Variants in MAGI2 observed in about 807,000 individuals in gnomAD.
MAGI2 encodes the protein membrane-associated guanylate kinase, WW and PDZ domain-containing protein 2.
Under a neutral mutation model 133.3 loss-of-function variants are expected in MAGI2, and 35 were observed. The ratio of observed to expected loss-of-function variants is 0.26; its 90% CI spans 0.20 to 0.35. MAGI2 has a LOEUF of 0.35. Ranked by LOEUF, MAGI2 falls within the 10% of genes least tolerant of loss-of-function variation. The probability of loss-of-function intolerance (pLI) is 1.00; values close to 1 mark genes in which losing one functional copy is unlikely to be tolerated. For missense variants in MAGI2, 1,636 were observed against 1,863.4 expected, an observed-to-expected ratio of 0.88 and a Z score of 2.25; for synonymous variants, 729 against 710.6, an observed-to-expected ratio of 1.03 and a Z score of -0.41.
chr7:78,855,870 A>G lies in MAGI2; in HGVS notation c.418+151220T>C, dbSNP rs537803846. On this transcript the variant is annotated intron_variant, in intron 2 of 21. Coordinates refer to ENST00000354212, the MANE Select transcript of MAGI2 (RefSeq NM_012301.4). ...GGTTGAACTAGTTTACAGTCCCACC[A>G]ACAGTGTAAAAGTGTTCCTGTTTCT... is the stretch of plus-strand genomic sequence containing the variant. 2.1e-3 allele frequency among the ~76,000 whole-genome samples: 323 copies of G among 152,306 alleles called. 3 individuals are homozygous for G. The highest frequency in any genetic ancestry group is 7.4e-3 in the African/African-American group (309 of 41,572).
chr7:78,305,709 T>G (rs979188040), intron 9 of MAGI2, among the ~76,000 whole-genome samples: 2 of 152,198 alleles, frequency 1.3e-5, no homozygotes, highest in Non-Finnish European at 2.9e-5. Context: ...TCCAAGGAAC[T>G]GTATACATGA....
chr7:78,063,023 C>T (rs1813439395), intron 21 of MAGI2, among the ~76,000 whole-genome samples: 4 of 152,166 alleles, frequency 2.6e-5, no homozygotes, highest in Admixed American at 2.6e-4. Context: ...GTGCTATTTC[C>T]ACCACCACTT....
chr7:78,455,677 T>C (rs527941542), intron 6 of MAGI2, among the ~76,000 whole-genome samples: 1 of 152,198 alleles, frequency 6.6e-6, no homozygotes, highest in Admixed American at 6.5e-5. Flanking sequence ...AGTATTTTCC[T>C]GCCATAATAT....
intron 2 of MAGI2, among the ~76,000 whole-genome samples, chr7:78,800,063 T>C (rs1193972944): frequency 6.6e-6 from 1 of 152,164 alleles, no homozygotes; most frequent in African/African-American, 2.4e-5. Flanking sequence ...TGTGGTATGA[T>C]TCATCTTTCT....
intron 10 of MAGI2, among the ~76,000 whole-genome samples, chr7:78,222,811 C>T (rs1788965544): frequency 6.6e-6 from 1 of 152,104 alleles, no homozygotes; most frequent in Admixed American, 6.5e-5. Context: ...AGAGAATTTC[C>T]TTAGATTAAG....
At chr7:78,774,684 T>C (rs768772453) in intron 2 of MAGI2, among the ~76,000 whole-genome samples, 1 of 152,050 alleles carries the variant, frequency 6.6e-6, no homozygotes, top group Non-Finnish European at 1.5e-5. Flanking sequence ...TGGGCAAAGA[T>C]TTTCTGAGAA....
intron 6 of MAGI2, among the ~76,000 whole-genome samples, chr7:78,373,388 C>T (rs916615891): frequency 8.5e-5 from 13 of 152,184 alleles, no homozygotes; most frequent in Middle Eastern, 3.4e-3. Context: ...ATCGTTTATA[C>T]GGATGTTAAT....
At chr7:79,122,814 C>T (rs532455776) in intron 1 of MAGI2, among the ~76,000 whole-genome samples, 1 of 152,162 alleles carries the variant, frequency 6.6e-6, no homozygotes, top group Non-Finnish European at 1.5e-5. Context: ...GCCTCACCCT[C>T]TCAAGTAGCT....
chr7:78,369,521 G>A lies in MAGI2; in HGVS notation c.1046-308C>T, dbSNP rs7783086. ...TTTAGTGCAATATAGAAGGCAAATC[G>A]CTTTCCTGAAAGTGTATATGTTTCT... On this transcript the variant is annotated intron_variant, in intron 6 of 21. Coordinates refer to ENST00000354212, the MANE Select transcript of MAGI2 (RefSeq NM_012301.4). 0.49 allele frequency among the ~76,000 whole-genome samples: 73,827 copies of A among 151,802 alleles called. 18,584 individuals carry two copies. The highest frequency in any genetic ancestry group is 0.59 in the Middle Eastern group (172 of 294).
chr7:79,042,954 A>G (rs1285752833), intron 1 of MAGI2, among the ~76,000 whole-genome samples: 1 of 152,166 alleles, frequency 6.6e-6, no homozygotes, highest in East Asian at 1.9e-4. Flanking sequence ...ACAATCATGG[A>G]AATTAAACAA....
intron 1 of MAGI2, among the ~76,000 whole-genome samples, chr7:79,212,859 A>C (rs539756167): frequency 1.3e-5 from 2 of 152,188 alleles, no homozygotes; most frequent in South Asian, 4.1e-4. Flanking sequence ...TGAATTGCTG[A>C]AATGGTAGGA....
At chr7:78,517,596 A>G (rs1796148011) in intron 4 of MAGI2, among the ~76,000 whole-genome samples, 1 of 152,348 alleles carries the variant, frequency 6.6e-6, no homozygotes, top group African/African-American at 2.4e-5. Flanking sequence ...GTTTGTATCC[A>G]TTAGAGGAGA....
At chr7:78,860,401 G>A (rs1338922283) in intron 2 of MAGI2, among the ~76,000 whole-genome samples, 3 of 152,106 alleles carry the variant, frequency 2.0e-5, no homozygotes, top group Non-Finnish European at 4.4e-5. Context: ...CTTTGATGAT[G>A]GTGACATACA....
rs114809873 is a variant in MAGI2 at position 78,446,673 on chromosome 7, G to A, written c.1045+43088C>T. ...GATGTTCAAAGTGGGGCAAACCAGA[G>A]AAGCAGCACTCTTTACAGATGGTCA... On this transcript the variant is annotated intron_variant, in intron 6 of 21. Coordinates refer to ENST00000354212, the MANE Select transcript of MAGI2 (RefSeq NM_012301.4). 4.8e-3 allele frequency among the ~76,000 whole-genome samples: 719 copies of A among 151,044 alleles called. 5 individuals carry two copies. The highest frequency in any genetic ancestry group is 0.015 in the African/African-American group (622 of 41,178).
chr7:79,211,533 A>G lies in MAGI2; in HGVS notation c.302-204327T>C, dbSNP rs796986189. ...GGTCTTGAACTCCTGGGCTCAAGCAATCCTCTCACCTTGGCCTCCCAAAGT... is the reference window on the plus strand; with the variant it reads ...GGTCTTGAACTCCTGGGCTCAAGCAGTCCTCTCACCTTGGCCTCCCAAAGT... On this transcript the variant is annotated intron_variant, in intron 1 of 21. Transcript: ENST00000354212. Among the ~76,000 whole-genome samples the G allele has an allele frequency of 1.7e-4, 26 of 151,794 alleles. 1 individual carries two copies. Among genetic ancestry groups the G allele is most frequent in the African/African-American group, 5.8e-4 (24 of 41,262 alleles).
intron 2 of MAGI2, among the ~76,000 whole-genome samples, chr7:78,786,123 A>G (rs1227703030): frequency 1.3e-5 from 2 of 151,642 alleles, no homozygotes; most frequent in Non-Finnish European, 2.9e-5. Context: ...AAGGAGCTCC[A>G]TGTTTCTAGT....
chr7:78,979,048 G>A (rs1394192746), intron 2 of MAGI2, among the ~76,000 whole-genome samples: 2 of 151,868 alleles, frequency 1.3e-5, no homozygotes, highest in Non-Finnish European at 1.5e-5. Flanking sequence ...GGAGACATCA[G>A]TAAAAACTCA....
chr7:79,351,452 A>C (rs1472773082), intron 1 of MAGI2, among the ~76,000 whole-genome samples: 1 of 152,170 alleles, frequency 6.6e-6, no homozygotes, highest in Non-Finnish European at 1.5e-5. Context: ...TGAAAATAAT[A>C]CTAGAAGAAA....
At chr7:78,585,900 C>A (rs538058429) in intron 3 of MAGI2, among the ~76,000 whole-genome samples, 2 of 152,178 alleles carry the variant, frequency 1.3e-5, no homozygotes, top group Non-Finnish European at 2.9e-5. Context: ...CGTAGATGAA[C>A]CCCAGAGAAT....
Sources: allele counts gnomAD v4.1 joint callset (sites outside exome capture counted in the v4.1 genomes callset), GRCh38; gene constraint gnomAD v4.1.1; transcripts MANE v1.5; gene names NCBI Gene and HGNC (gene_info 2026-07-23, HGNC 2026-07-21).